Variants in SGCD observed in about 807,000 individuals in gnomAD.
The protein encoded by SGCD is delta-sarcoglycan.
A neutral mutation model predicts 36.6 loss-of-function variants in SGCD; 18 were observed. The ratio of observed to expected loss-of-function variants is 0.49; its 90% CI spans 0.34 to 0.73. SGCD has a LOEUF of 0.73. Ranked by LOEUF, SGCD falls within the 30% of genes least tolerant of loss-of-function variation. The pLI is 0.01. For missense variants in SGCD, 387 were observed against 346.7 expected, an observed-to-expected ratio of 1.12 and a Z score of -0.92; for synonymous variants, 133 against 130.6, an observed-to-expected ratio of 1.02 and a Z score of -0.12.
intron 1 of SGCD, among the ~76,000 whole-genome samples, chr5:155,924,295 G>A (rs1183892497): frequency 6.6e-6 from 1 of 152,196 alleles, no homozygotes; most frequent in Non-Finnish European, 1.5e-5. Flanking sequence ...GGACCTGAAT[G>A]GGGGACAAAG....
the SGCD span, among the ~76,000 whole-genome samples, chr5:155,822,723 A>C: frequency 1.3e-5 from 2 of 152,240 alleles, no homozygotes; most frequent in Non-Finnish European, 2.9e-5. Flanking sequence ...TGAGCATTGC[A>C]TAATATAAGG....
intron 3 of SGCD, among the ~76,000 whole-genome samples, chr5:156,505,520 A>G (rs571345340): frequency 3.9e-4 from 59 of 152,302 alleles, no homozygotes; most frequent in African/African-American, 1.4e-3. Context: ...GAAATAACAT[A>G]GATAACATAG....
intron 6 of SGCD, among the ~76,000 whole-genome samples, chr5:156,617,497 C>A (rs944373723): frequency 2.0e-5 from 3 of 152,114 alleles, no homozygotes; most frequent in African/African-American, 7.2e-5. Flanking sequence ...TTTATAGGAG[C>A]AATGGCAGAT....
At chr5:155,925,245 G>C (rs1358456916) in intron 1 of SGCD, among the ~76,000 whole-genome samples, 1 of 152,162 alleles carries the variant, frequency 6.6e-6, no homozygotes, top group Non-Finnish European at 1.5e-5. Context: ...ACTTGCTGCT[G>C]AATTTCCTTT....
At chr5:156,713,474 A>C (rs1412042996) in intron 7 of SGCD, among the ~76,000 whole-genome samples, 1 of 152,034 alleles carries the variant, frequency 6.6e-6, no homozygotes, top group Non-Finnish European at 1.5e-5. Context: ...CCTGTTAGGC[A>C]GATGAAACCT....
At chr5:156,494,297 A>T (rs256843) in intron 3 of SGCD, among the ~76,000 whole-genome samples, 23,316 of 150,980 alleles carry the variant, frequency 0.15, 2,265 homozygotes, top group East Asian at 0.24. Flanking sequence ...AAGTGATGGG[A>T]CCTGGACTCA....
intron 4 of SGCD, among the ~76,000 whole-genome samples, chr5:156,530,060 G>A (rs2113093642): frequency 6.6e-6 from 1 of 152,342 alleles, no homozygotes; most frequent in Middle Eastern, 3.4e-3. Context: ...AATGAGTTAA[G>A]CAGACTGCCA....
intron 3 of SGCD, among the ~76,000 whole-genome samples, chr5:156,492,584 C>T (rs1283672487): frequency 6.6e-6 from 1 of 152,024 alleles, no homozygotes; most frequent in Non-Finnish European, 1.5e-5. Flanking sequence ...AATTATTATA[C>T]TTTAAGTTCT....
rs60174595 is a variant in SGCD, at chr5:156,402,992, G to A, written c.192+58315G>A. Among the ~76,000 whole-genome samples, 806 of 152,246 alleles carry A rather than the reference G, an allele frequency of 5.3e-3. 9 individuals are homozygous for A. The highest frequency in any genetic ancestry group is 0.018 in the African/African-American group (762 of 41,540). On this transcript the variant is annotated intron_variant, in intron 3 of 8. Transcript: ENST00000337851. ...CCAGCAGTTATACCATTTGATAGCC[G>A]CGGTCTTTTGGCAAGATAGCAGAAG...
intron 3 of SGCD, among the ~76,000 whole-genome samples, chr5:156,262,290 A>G (rs1368913567): frequency 6.6e-6 from 1 of 152,094 alleles, no homozygotes; most frequent in Admixed American, 6.6e-5. Context: ...ACTTTCTATG[A>G]TTAGATATGT....
At chr5:156,462,326 A>G (rs537216306) in intron 3 of SGCD, among the ~76,000 whole-genome samples, 12 of 152,222 alleles carry the variant, frequency 7.9e-5, no homozygotes, top group African/African-American at 2.2e-4. Context: ...TTTTTTTTCT[A>G]CCTTATGACT....
At chr5:156,498,253 T>G (rs1380696613) in intron 3 of SGCD, among the ~76,000 whole-genome samples, 1 of 143,366 alleles carries the variant, frequency 7.0e-6, no homozygotes, top group Non-Finnish European at 1.5e-5. Context: ...GAACGTCATA[T>G]TTCTCTTACA....
intron 3 of SGCD, among the ~76,000 whole-genome samples, chr5:156,136,527 C>T (rs962372628): frequency 3.3e-5 from 5 of 152,112 alleles, no homozygotes; most frequent in African/African-American, 1.2e-4. Context: ...TTAAGTGCAT[C>T]CATGGATTAA....
At chr5:155,760,257 A>G in the SGCD span, among the ~76,000 whole-genome samples, 3 of 147,596 alleles carry the variant, frequency 2.0e-5, no homozygotes, top group South Asian at 2.2e-4. Context: ...CACCCTCTCC[A>G]TCATCCTCAG....
chr5:156,538,556 T>A lies in SGCD; in HGVS notation c.294+29854T>A, dbSNP rs552828570. ...CAGGTATTTAGCAAGTTTGTAGACT[T>A]AATTTTTTTGGACTTAATGCAAATT... On this transcript the variant is annotated intron_variant, in intron 4 of 8. Transcript: ENST00000337851. Among the ~76,000 whole-genome samples, 11 of 152,236 alleles carry A rather than the reference T, an allele frequency of 7.2e-5. No homozygotes were observed. In the South Asian group the frequency reaches 1.9e-3, roughly 26 times the overall value.
chr5:156,471,957 TAA>T (rs1257187931), intron 3 of SGCD, among the ~76,000 whole-genome samples: 1 of 152,062 alleles, frequency 6.6e-6, no homozygotes, highest in Admixed American at 6.6e-5. Context: ...GCAAAAGACT[TAA>T]ACACTGCACA....
intron 3 of SGCD, among the ~76,000 whole-genome samples, chr5:156,143,806 A>G (rs1026827688): frequency 2.0e-5 from 3 of 151,912 alleles, no homozygotes; most frequent in Non-Finnish European, 4.4e-5. Flanking sequence ...TTACATATGT[A>G]TACATGTGCC....
chr5:156,389,688 A>G (rs977414453), intron 3 of SGCD, among the ~76,000 whole-genome samples: 1 of 152,162 alleles, frequency 6.6e-6, no homozygotes, highest in African/African-American at 2.4e-5. Context: ...GTGTGGCCTC[A>G]TTCCTAACGG....
At chr5:156,070,512 G>T (rs1760513710) in intron 1 of SGCD, among the ~76,000 whole-genome samples, 1 of 150,210 alleles carries the variant, frequency 6.7e-6, no homozygotes, top group Non-Finnish European at 1.5e-5. Context: ...GCTTTTTGAT[G>T]TGCTGCTGGA....
Sources: allele counts gnomAD v4.1 joint callset (sites outside exome capture counted in the v4.1 genomes callset), GRCh38; gene constraint gnomAD v4.1.1; transcripts MANE v1.5; gene names NCBI Gene and HGNC (gene_info 2026-07-23, HGNC 2026-07-21).